Variants in DLAT observed in about 807,000 individuals in gnomAD.
DLAT encodes dihydrolipoyllysine-residue acetyltransferase component of pyruvate dehydrogenase complex, mitochondrial.
A neutral mutation model predicts 68.0 loss-of-function variants in DLAT; 43 were observed. The ratio of observed to expected loss-of-function variants is 0.63; its 90% confidence interval spans 0.50 to 0.81. The LOEUF (loss-of-function observed/expected upper bound fraction) is 0.81. Ranked by LOEUF, DLAT falls within the 40% of genes least tolerant of loss-of-function variation. The probability of loss-of-function intolerance (pLI) is 0.00; values close to 1 mark genes in which losing one functional copy is unlikely to be tolerated. For synonymous variants in DLAT, 265 were observed against 288.6 expected, an observed-to-expected ratio of 0.92 and a Z score of 0.83; for missense variants, 745 against 815.4, an observed-to-expected ratio of 0.91 and a Z score of 1.05.
chr11:112,055,235 A>AT (rs66865041), intron 11 of DLAT, among the ~76,000 whole-genome samples: 29,739 of 75,584 alleles, frequency 0.39, 9,804 homozygotes, highest in Non-Finnish European at 0.51. Context: ...GTCAAGGCCT[A>AT]TTTTTTTTTT....
In DLAT at chr11:112,061,083, A is replaced by T; in HGVS notation, c.1723A>T (p.Asn575Tyr). 3 of 1,613,244 alleles carry T rather than the reference A, an allele frequency of 1.9e-6. No homozygotes were observed. Among genetic ancestry groups the T allele is most frequent in the Non-Finnish European group, 2.5e-6 (3 of 1,179,494 alleles). Residue 575 changes from asparagine to tyrosine, a missense_variant, in exon 13 of 14, where the codon AAT becomes TAT. Physicochemically the swap from Asn to Tyr is moderately radical, Grantham distance 143. Transcript: ENST00000280346. ...ISNLGMFGIK[N>Y]FSAIINPPQA... ...CAATTTAGGAATGTTTGGAATTAAG[A>T]ATTTCTCTGCTATTATTAACCCACC...
chr11:112,028,617 A>T lies in DLAT; in HGVS notation c.484A>T (p.Ile162Phe). The change falls in exon 3 of 14, where the codon ATC (isoleucine) becomes TTC (phenylalanine). Residue 162 changes from isoleucine to phenylalanine, a missense_variant. Coordinates refer to ENST00000280346, the MANE Select transcript of DLAT (RefSeq NM_001931.5). ...TACCAGGGATGTTCCCATCGGAGCG[A>T]TCATCTGTATCACAGTTGGCAAGTG... is the stretch of plus-strand genomic sequence containing the variant. Reference protein sequence around the residue: ...EGTRDVPIGAIICITVGKPED... With the variant: ...EGTRDVPIGAFICITVGKPED... 6.2e-7 allele frequency: 1 copy of T among 1,614,124 alleles called. No individual in the cohort carries two copies. The highest frequency in any genetic ancestry group is 8.5e-7 in the Non-Finnish European group (1 of 1,180,010).
Position 112,037,319 on chromosome 11 carries a change from T to C in DLAT, c.834T>C (p.Pro278=). 1 of 1,614,218 alleles carries C rather than the reference T, an allele frequency of 6.2e-7. No homozygotes were observed. The highest frequency in any genetic ancestry group is 8.5e-7 in the Non-Finnish European group (1 of 1,180,030). The change falls in exon 6 of 14, where the codon CCT becomes CCC. Residue 278 remains proline (P), a synonymous_variant. Coordinates refer to ENST00000280346, the MANE Select transcript of DLAT (RefSeq NM_001931.5). ...EEGYLAKILV[P]EGTRDVPLGT... ...GTTATCTGGCAAAAATCCTGGTCCC[T>C]GAAGGCACAAGAGATGTCCCTCTAG...
At chr11:112,030,940 A>G (rs1251565364) in intron 4 of DLAT, among the ~76,000 whole-genome samples, 1 of 152,208 alleles carries the variant, frequency 6.6e-6, no homozygotes, top group Non-Finnish European at 1.5e-5. Context: ...GGCAAATTCT[A>G]TCTCATGATG....
chr11:112,033,306 T>C (rs1043419920), intron 4 of DLAT, 98 bp from the exon 5 acceptor site: 2 of 1,453,476 alleles, frequency 1.4e-6, no homozygotes, highest in East Asian at 2.4e-5. Flanking sequence ...TGGATTATCA[T>C]AGTCACCATC....
chr11:112,061,785 A>T (rs782790242), intron 13 of DLAT, among the ~76,000 whole-genome samples: 1 of 152,126 alleles, frequency 6.6e-6, no homozygotes, highest in Non-Finnish European at 1.5e-5. Context: ...TTGTTTCACC[A>T]TGTAGGCCAG....
At chr11:112,042,415 A>G (rs1863097335) in intron 7 of DLAT, among the ~76,000 whole-genome samples, 1 of 152,206 alleles carries the variant, frequency 6.6e-6, no homozygotes, top group South Asian at 2.1e-4. Context: ...AGAGAAATCT[A>G]ATAGGGGTAC....
Position 112,033,431 on chromosome 11 carries a change from A to T in DLAT, c.688A>T (p.Met230Leu). ...ACTTCTTCCTGCCCTCTCTCCCACC[A>T]TGACCATGGGCACAGTTCAGAGATG... ...QVLLPALSPT[M>L]TMGTVQRWEK... is the part of the protein sequence containing the mutation. The change falls in exon 5 of 14, where the codon ATG becomes TTG. Residue 230 changes from methionine to leucine, a missense_variant. Coordinates refer to ENST00000280346, the MANE Select transcript of DLAT (RefSeq NM_001931.5). 1.2e-6 allele frequency: 2 copies of T among 1,613,942 alleles called. No individual in the cohort carries two copies. Among genetic ancestry groups the T allele is most frequent in the Non-Finnish European group, 8.5e-7 (1 of 1,179,908 alleles).
At chr11:112,060,198 G>A in intron 12 of DLAT, 133 bp downstream of exon 12, 1 of 745,850 alleles carries the variant, frequency 1.3e-6, no homozygotes, top group African/African-American at 2.3e-5. Context: ...GAGTCTCTCT[G>A]TCACCCAGGC....
rs1111236 is a variant in DLAT at position 112,035,829 on chromosome 11, C to T, written c.788-1444C>T. 6.4e-3 allele frequency among the ~76,000 whole-genome samples: 734 copies of T among 114,848 alleles called. 8 individuals carry two copies. Among genetic ancestry groups the T allele is most frequent in the African/African-American group, 0.024 (710 of 29,504 alleles). The allele number at this position is 114,848 out of a possible 152,430, so 75.3% of individuals were successfully genotyped here. A position where few individuals can be genotyped will look rare whatever the true frequency, so the allele number is the denominator to read the frequency against. ...TTTTTGAGATAGAGTCTTGCTTTGT[C>T]GCCCAGGCTGGAGTGCAATGGCATG... is the stretch of plus-strand genomic sequence containing the variant. On this transcript the variant is annotated intron_variant, in intron 5 of 13. Coordinates refer to ENST00000280346, the MANE Select transcript of DLAT (RefSeq NM_001931.5).
intron 8 of DLAT, 57 bp downstream of exon 8, chr11:112,043,590 C>A (rs1018386668): frequency 3.1e-5 from 41 of 1,338,872 alleles, no homozygotes; most frequent in Non-Finnish European, 4.4e-5. Flanking sequence ...CCTGTTAGAC[C>A]ATTTCATACA....
At chr11:112,036,096 C>CACAT (rs1555180407) in intron 5 of DLAT, among the ~76,000 whole-genome samples, 3 of 141,370 alleles carry the variant, frequency 2.1e-5, no homozygotes, top group African/African-American at 8.0e-5. Context: ...CAGCCTTAAA[C>CACAT]ATATATATAT....
chr11:112,048,589 A>C (rs1350689804), intron 10 of DLAT, among the ~76,000 whole-genome samples: 1 of 152,188 alleles, frequency 6.6e-6, no homozygotes, highest in Non-Finnish European at 1.5e-5. Context: ...ACTGGGGTGC[A>C]GTGGCGTGAT....
At position 112,059,486 on chromosome 11, in the gene DLAT, A is replaced by G. The variant is rs1469039095; in HGVS notation, c.1515-417A>G. On this transcript the variant is annotated intron_variant, in intron 11 of 13. Coordinates refer to ENST00000280346, the MANE Select transcript of DLAT (RefSeq NM_001931.5). The stretch of plus-strand genomic sequence containing the variant: ...CAGCTCACTGCAACCTCCACCTCCC[A>G]GGTTCAAGTGGTTCTCCTGCCTCAG... 8.6e-5 allele frequency among the ~76,000 whole-genome samples: 13 copies of G among 151,616 alleles called. No homozygotes were observed. The South Asian group carries it at 2.7e-3, about 32-fold the overall frequency.
chr11:112,045,234 A>G lies in DLAT; in HGVS notation c.1290+4A>G, dbSNP rs782355132. The G allele has an allele frequency of 6.2e-7, 1 of 1,610,838 alleles. No homozygotes were observed. Among genetic ancestry groups the G allele is most frequent in the Non-Finnish European group, 8.5e-7 (1 of 1,177,552 alleles). On this transcript the variant is annotated splice_donor_region_variant and intron_variant, in intron 9 of 13. Coordinates refer to ENST00000280346, the MANE Select transcript of DLAT (RefSeq NM_001931.5). ...CCCAATCAGCAACATTCGTCGGGTA[A>G]GAGAATTACCATCATCTGGAATCAG... is the stretch of plus-strand genomic sequence containing the variant.
rs1555179705 is a variant in DLAT, at chr11:112,028,914, C to T, written c.629C>T (p.Ala210Val). ...TCGCCACCTACACCTTCTGCTCAGG[C>T]TCCTGGTAGCTCATATCCCCCTCAC... is the stretch of plus-strand genomic sequence containing the variant. The part of the protein sequence containing the change: ...TASPPTPSAQ[A>V]PGSSYPPHMQ... Residue 210 changes from alanine to valine, a missense_variant, in exon 4 of 14, where the codon GCT becomes GTT. Coordinates refer to ENST00000280346, the MANE Select transcript of DLAT (RefSeq NM_001931.5). The T allele has an allele frequency of 1.9e-6, 3 of 1,614,164 alleles. No homozygotes were observed. The highest frequency in any genetic ancestry group is 2.5e-6 in the Non-Finnish European group (3 of 1,180,036).
In DLAT at chr11:112,028,880, G is replaced by A. The variant is rs782366427; in HGVS notation, c.595G>A (p.Ala199Thr). Residue 199 changes from alanine to threonine, a missense_variant, in exon 4 of 14, where the codon GCC becomes ACC. Transcript: ENST00000280346. Reference sequence around the variant, plus strand: ...AGCGGCCCCAGCACCAACCCCTGCTGCCACTGCTTCGCCACCTACACCTTC... The same window carrying A: ...AGCGGCCCCAGCACCAACCCCTGCTACCACTGCTTCGCCACCTACACCTTC... ...PQAAPAPTPAATASPPTPSAQ... is the reference protein window; with the variant it reads ...PQAAPAPTPATTASPPTPSAQ... The A allele has an allele frequency of 3.7e-6, 6 of 1,614,154 alleles. No individual in the cohort carries two copies. Among genetic ancestry groups the A allele is most frequent in the South Asian group, 1.1e-5 (1 of 91,078 alleles).
rs1555179658 is a variant in DLAT at position 112,028,618 on chromosome 11, T to A, written c.485T>A (p.Ile162Asn). ...ACCAGGGATGTTCCCATCGGAGCGA[T>A]CATCTGTATCACAGTTGGCAAGTGA... ...EGTRDVPIGA[I>N]ICITVGKPED... The change falls in exon 3 of 14, where the codon ATC (isoleucine) becomes AAC (asparagine). Residue 162 changes from isoleucine (I) to asparagine (N), a missense_variant. Ile to Asn is a moderately radical substitution (Grantham distance 149, BLOSUM62 -3). Coordinates refer to ENST00000280346, the MANE Select transcript of DLAT (RefSeq NM_001931.5). 6.2e-7 allele frequency: 1 copy of A among 1,614,058 alleles called. No homozygotes were observed. The highest frequency in any genetic ancestry group is 8.5e-7 in the Non-Finnish European group (1 of 1,180,044).
At position 112,051,330 on chromosome 11, in the gene DLAT, A is replaced by G. The variant is rs1555181979; in HGVS notation, c.1495A>G (p.Met499Val). 6.2e-7 allele frequency: 1 copy of G among 1,612,298 alleles called. No individual in the cohort carries two copies. The highest frequency in any genetic ancestry group is 1.1e-5 in the South Asian group (1 of 91,068). Residue 499 changes from methionine to valine, a missense_variant, in exon 11 of 14, where the codon ATG (methionine) becomes GTG (valine). Met to Val is a conservative substitution (Grantham distance 21). Coordinates refer to ENST00000280346, the MANE Select transcript of DLAT (RefSeq NM_001931.5). The surrounding 1 kb of genome is among the most constrained non-coding windows in gnomAD (Gnocchi z 4.3). The stretch of plus-strand genomic sequence containing the variant: ...AGTTCCCGAAGCAAATTCTTCTTGG[A>G]TGGACACAGTTATAAGACAGTAAGT... ...LKVPEANSSWMDTVIRQNHVV... is the reference protein window; with the variant it reads ...LKVPEANSSWVDTVIRQNHVV...
Sources: allele counts gnomAD v4.1 joint callset (sites outside exome capture counted in the v4.1 genomes callset), GRCh38; gene constraint gnomAD v4.1.1; non-coding constraint Gnocchi (gnomAD v3.1); transcripts MANE v1.5; gene names NCBI Gene and HGNC (gene_info 2026-07-23, HGNC 2026-07-21).